NRCAM: variants seen among roughly 807,000 people sequenced by gnomAD.
The protein encoded by NRCAM is NgCAM-related cell adhesion molecule.
A neutral mutation model predicts 156.5 loss-of-function variants in NRCAM; 83 were observed. The observed-to-expected ratio is 0.53, with a 90% CI of 0.44 to 0.64. NRCAM has a LOEUF of 0.64. Among genes scored for constraint, NRCAM ranks in the 30% least tolerant of loss-of-function variants. The pLI is 0.00. For synonymous variants in NRCAM, 538 were observed against 563.9 expected (o/e 0.95, Z 0.65); for missense variants, 1,417 against 1,597.3 (o/e 0.89, Z 1.92).
chr7:108,392,229 G>T (rs1350951186), intron 2 of NRCAM, among the ~76,000 whole-genome samples: 1 of 152,082 alleles, frequency 6.6e-6, no homozygotes, highest in Non-Finnish European at 1.5e-5. Context: ...CGTAGATTTG[G>T]TCTATTCACA....
At chr7:108,385,322 A>G (rs17155637) in intron 2 of NRCAM, among the ~76,000 whole-genome samples, 38,341 of 152,140 alleles carry the variant, frequency 0.25, 5,101 homozygotes, top group Non-Finnish European at 0.28. Context: ...ACAGTCTAAT[A>G]ACACCACTGT....
At chr7:108,251,361 C>A (rs1182130876) in intron 3 of NRCAM, among the ~76,000 whole-genome samples, 4 of 152,098 alleles carry the variant, frequency 2.6e-5, no homozygotes, top group East Asian at 1.9e-4. Context: ...AAAATAATTT[C>A]TTTAAATATA....
chr7:108,185,055 C>T (rs1413255739), intron 20 of NRCAM, among the ~76,000 whole-genome samples: 12 of 151,892 alleles, frequency 7.9e-5, no homozygotes, highest in East Asian at 1.9e-4. Context: ...AAATTTTTTT[C>T]ATAATAGGAT....
chr7:108,186,500 A>C (rs986873475), intron 20 of NRCAM, among the ~76,000 whole-genome samples: 8 of 152,112 alleles, frequency 5.3e-5, no homozygotes, highest in Non-Finnish European at 8.8e-5. Flanking sequence ...AAATATATCC[A>C]AAATCTGACC....
chr7:108,219,601 G>A (rs1051584890), intron 11 of NRCAM, among the ~76,000 whole-genome samples: 8 of 151,946 alleles, frequency 5.3e-5, no homozygotes, highest in Non-Finnish European at 7.4e-5. Flanking sequence ...AACAAAAATC[G>A]CACGATCATC....
intron 5 of NRCAM, chr7:108,234,958 T>A (rs1401550373): frequency 1.8e-6 from 1 of 562,350 alleles, no homozygotes; most frequent in South Asian, 1.7e-5. Context: ...TAATTATCAA[T>A]ACAAACCTAA....
intron 2 of NRCAM, among the ~76,000 whole-genome samples, chr7:108,345,099 T>C (rs899553484): frequency 1.3e-5 from 2 of 152,134 alleles, no homozygotes; most frequent in Non-Finnish European, 2.9e-5. Flanking sequence ...TATAAAGAAA[T>C]AGTGGAATGA....
chr7:108,286,522 GA>G (rs965313443), intron 3 of NRCAM, among the ~76,000 whole-genome samples: 2 of 151,988 alleles, frequency 1.3e-5, no homozygotes, highest in Admixed American at 1.3e-4. Flanking sequence ...TAGGAGAAAA[GA>G]AAAAAAGATT....
At chr7:108,183,697 C>A (rs535316445) in intron 22 of NRCAM, among the ~76,000 whole-genome samples, 25 of 152,066 alleles carry the variant, frequency 1.6e-4, no homozygotes, top group African/African-American at 5.8e-4. Context: ...GCACTACACC[C>A]GGCTAATTTT....
chr7:108,342,195 G>A (rs1056160512), intron 2 of NRCAM, among the ~76,000 whole-genome samples: 1 of 152,144 alleles, frequency 6.6e-6, no homozygotes, highest in Non-Finnish European at 1.5e-5. Flanking sequence ...TCAGCTGCCC[G>A]TTCAGAAACC....
At chr7:108,438,798 A>G (rs1835174010) in intron 1 of NRCAM, among the ~76,000 whole-genome samples, 2 of 152,308 alleles carry the variant, frequency 1.3e-5, no homozygotes, top group East Asian at 3.9e-4. Context: ...AGCAAGATAC[A>G]GGATGTAAGG....
intron 1 of NRCAM, among the ~76,000 whole-genome samples, chr7:108,443,598 T>C (rs1030191678): frequency 1.3e-5 from 2 of 152,186 alleles, no homozygotes; most frequent in Admixed American, 1.3e-4. Context: ...AGAAACCTTC[T>C]GACTACACAG....
chr7:108,248,348 T>C (rs1589900253), intron 3 of NRCAM, among the ~76,000 whole-genome samples: 1 of 152,132 alleles, frequency 6.6e-6, no homozygotes, highest in South Asian at 2.1e-4. Flanking sequence ...AACCCTGCTA[T>C]GCTTGCTGAA....
chr7:108,392,363 T>C lies in NRCAM; in HGVS notation c.-174+7073A>G, dbSNP rs541362066. On this transcript the variant is annotated intron_variant, in intron 2 of 32. Coordinates refer to ENST00000379028, the MANE Select transcript of NRCAM (RefSeq NM_001037132.4). ...ATACCCTTTCTTACAGTTGATCAAA[T>C]TGGCTACTAATGCTTGTTCATGCGT... Among the ~76,000 whole-genome samples, 95 of 152,366 alleles carry C rather than the reference T, an allele frequency of 6.2e-4. 1 individual carries two copies. The highest frequency in any genetic ancestry group is 1.9e-4 in the East Asian group (1 of 5,188).
At chr7:108,157,896 A>G (rs2046521595) in intron 32 of NRCAM, among the ~76,000 whole-genome samples, 1 of 151,896 alleles carries the variant, frequency 6.6e-6, no homozygotes, top group Non-Finnish European at 1.5e-5. Context: ...ATGCAAATAC[A>G]TTTTTTTTCA....
At chr7:108,262,056 T>C (rs900005472) in intron 3 of NRCAM, among the ~76,000 whole-genome samples, 13 of 152,144 alleles carry the variant, frequency 8.5e-5, no homozygotes, top group Non-Finnish European at 1.5e-4. Flanking sequence ...CCTTTCTGCA[T>C]TTCTGCTCCT....
chr7:108,393,945 C>T (rs1372514379), intron 2 of NRCAM, among the ~76,000 whole-genome samples: 1 of 152,158 alleles, frequency 6.6e-6, no homozygotes, highest in African/African-American at 2.4e-5. Context: ...AGGATTTTTA[C>T]TGGTGAGGGC....
At chr7:108,430,149 C>A (rs901782292) in intron 1 of NRCAM, among the ~76,000 whole-genome samples, 3 of 152,086 alleles carry the variant, frequency 2.0e-5, no homozygotes, top group Non-Finnish European at 2.9e-5. Flanking sequence ...TAGTATGTTG[C>A]GGGTTTGGTT....
In NRCAM at chr7:108,203,716, G is replaced by C. The variant is rs148628202; in HGVS notation, c.1207+3812C>G. Among the ~76,000 whole-genome samples the C allele has an allele frequency of 6.8e-3, 1,037 of 152,248 alleles. 13 individuals are homozygous for C. The highest frequency in any genetic ancestry group is 0.024 in the African/African-American group (990 of 41,532). ...ACTGTATCTCTGTTGTGTGGCACAG[G>C]AGACAAACTTCAGGCACCTGGAGGG... is the stretch of plus-strand genomic sequence containing the variant. On this transcript the variant is annotated intron_variant, in intron 13 of 32. Transcript: ENST00000379028.
Sources: allele counts gnomAD v4.1 joint callset (sites outside exome capture counted in the v4.1 genomes callset), GRCh38; gene constraint gnomAD v4.1.1; transcripts MANE v1.5; gene names NCBI Gene and HGNC (gene_info 2026-07-23, HGNC 2026-07-21).